Variants in COL22A1 observed in about 807,000 individuals in gnomAD.
COL22A1 encodes collagen type XXII alpha 1 chain.
Under a neutral mutation model 248.9 loss-of-function variants are expected in COL22A1, and 221 were observed. The observed-to-expected ratio is 0.89, with a 90% CI of 0.80 to 0.99. COL22A1 has a LOEUF of 0.99. COL22A1 is among the 50% of genes least tolerant of loss of function. COL22A1 has a pLI of 0.00. For synonymous variants in COL22A1, 891 were observed against 793.4 expected, an observed-to-expected ratio of 1.12 and a Z score of -2.07; for missense variants, 2,240 against 2,179.0, an observed-to-expected ratio of 1.03 and a Z score of -0.56.
chr8:138,662,474 G>A (rs370505544), intron 42 of COL22A1, among the ~76,000 whole-genome samples: 191 of 152,220 alleles, frequency 1.3e-3, no homozygotes, highest in African/African-American at 4.4e-3. Flanking sequence ...AAGTTTCCTT[G>A]TGCAAGACCC....
At chr8:138,602,805 C>G (rs1449280773) in intron 59 of COL22A1, among the ~76,000 whole-genome samples, 1 of 152,208 alleles carries the variant, frequency 6.6e-6, no homozygotes, top group Non-Finnish European at 1.5e-5. Flanking sequence ...TCTTTCTTCC[C>G]TCTCTGCCCC....
intron 60 of COL22A1, among the ~76,000 whole-genome samples, chr8:138,601,544 G>A (rs1818011514): frequency 6.6e-6 from 1 of 152,144 alleles, no homozygotes; most frequent in African/African-American, 2.4e-5. Context: ...GCCTCCAAAG[G>A]GAGCAGCAGT....
chr8:138,785,250 A>G (rs1815414347), intron 12 of COL22A1, among the ~76,000 whole-genome samples: 2 of 152,204 alleles, frequency 1.3e-5, no homozygotes, highest in African/African-American at 4.8e-5. Context: ...TGGAGCCAGG[A>G]GACGGTGGTG....
rs374022986 is a variant in COL22A1 at position 138,780,982 on chromosome 8, T to C, written c.1597-2A>G. 6.3e-7 allele frequency: 1 copy of C among 1,593,240 alleles called. No homozygotes were observed. Among genetic ancestry groups the C allele is most frequent in the African/African-American group, 1.4e-5 (1 of 73,356 alleles). On this transcript the variant is annotated splice_acceptor_variant, in intron 12 of 64. Transcript: ENST00000303045. LOFTEE classifies it high-confidence loss of function. ...GGGGCCGGGCAGGCCCAGGGAACCC[T>C]AAAGCCAAAAAAAGAGAATAGCAAT...
chr8:138,863,399 C>A (rs1360690819), intron 3 of COL22A1, among the ~76,000 whole-genome samples: 1 of 152,200 alleles, frequency 6.6e-6, no homozygotes, highest in African/African-American at 2.4e-5. Context: ...CCGCTGTCAA[C>A]TGTACATGAC....
intron 3 of COL22A1, among the ~76,000 whole-genome samples, chr8:138,846,635 G>T (rs1396733889): frequency 3.3e-5 from 5 of 151,956 alleles, no homozygotes; most frequent in Non-Finnish European, 1.5e-5. Flanking sequence ...GGGGTCCTCA[G>T]GGTCCACCTG....
intron 3 of COL22A1, among the ~76,000 whole-genome samples, chr8:138,853,732 T>A (rs1445304824): frequency 6.6e-6 from 1 of 152,200 alleles, no homozygotes; most frequent in Non-Finnish European, 1.5e-5. Flanking sequence ...ACATGTCAGT[T>A]ACCGAATCCC....
At chr8:138,601,203 T>C (rs1817978081) in intron 60 of COL22A1, among the ~76,000 whole-genome samples, 1 of 152,006 alleles carries the variant, frequency 6.6e-6, no homozygotes, top group South Asian at 2.1e-4. Context: ...CTCAGCCACA[T>C]GTCCCTCATG....
intron 1 of COL22A1, among the ~76,000 whole-genome samples, chr8:138,899,183 CTTCAT>C (rs1314637911): frequency 6.6e-6 from 1 of 152,008 alleles, no homozygotes; most frequent in East Asian, 1.9e-4. Context: ...TGTTTTTATC[CTTCAT>C]TTATTTTTGT....
At chr8:138,722,155 T>C in intron 25 of COL22A1, 66 bp from the exon 26 acceptor site, 1 of 1,404,148 alleles carries the variant, frequency 7.1e-7, no homozygotes. Flanking sequence ...TACATTAAGT[T>C]GTTTCAAACC....
chr8:138,707,150 C>T (rs199570981), intron 30 of COL22A1, among the ~76,000 whole-genome samples: 1 of 152,118 alleles, frequency 6.6e-6, no homozygotes, highest in Non-Finnish European at 1.5e-5. Flanking sequence ...AATTAATAGC[C>T]TACCAACCAA....
chr8:138,874,620 A>T (rs1286917510), intron 3 of COL22A1, among the ~76,000 whole-genome samples: 1 of 152,094 alleles, frequency 6.6e-6, no homozygotes, highest in Non-Finnish European at 1.5e-5. Flanking sequence ...TGGCTCTGAG[A>T]TCCACTGAGA....
intron 22 of COL22A1, among the ~76,000 whole-genome samples, chr8:138,751,004 T>TTA (rs1832549677): frequency 6.6e-6 from 1 of 152,002 alleles, no homozygotes; most frequent in Non-Finnish European, 1.5e-5. Flanking sequence ...AACAGGTGCT[T>TTA]AATTAATTAA....
chr8:138,662,663 C>A (rs532711335), intron 42 of COL22A1, among the ~76,000 whole-genome samples: 1 of 152,160 alleles, frequency 6.6e-6, no homozygotes, highest in Non-Finnish European at 1.5e-5. Context: ...GTTGCTGGAA[C>A]TGTGCTACCG....
chr8:138,692,712 C>T (rs1443407624), intron 35 of COL22A1, among the ~76,000 whole-genome samples: 2 of 152,028 alleles, frequency 1.3e-5, no homozygotes, highest in Non-Finnish European at 2.9e-5. Context: ...GGGTTTTGCA[C>T]ATCTCCAGGG....
intron 23 of COL22A1, among the ~76,000 whole-genome samples, chr8:138,728,627 A>G (rs986584874): frequency 2.0e-5 from 3 of 151,842 alleles, no homozygotes; most frequent in African/African-American, 7.3e-5. Flanking sequence ...TTGGAGTCTC[A>G]TAGCACGTTA....
chr8:138,815,195 G>A (rs895985166), intron 7 of COL22A1, among the ~76,000 whole-genome samples: 57 of 152,140 alleles, frequency 3.7e-4, no homozygotes, highest in Non-Finnish European at 3.5e-4. Flanking sequence ...AAATTACCCA[G>A]TCTTGGGTAT....
intron 42 of COL22A1, 99 bp from the exon 43 acceptor site, chr8:138,662,182 C>A: frequency 1.0e-6 from 1 of 961,402 alleles, no homozygotes; most frequent in South Asian, 1.5e-5. Flanking sequence ...AACACATGGT[C>A]TGTTGCTATG....
intron 23 of COL22A1, among the ~76,000 whole-genome samples, chr8:138,737,120 C>T (rs1296340711): frequency 6.6e-6 from 1 of 152,150 alleles, no homozygotes; most frequent in Non-Finnish European, 1.5e-5. Context: ...AGAGCTGTGC[C>T]CCAGGGAAGG....
Sources: gnomAD v4.1 joint callset for allele counts (sites outside exome capture counted in the v4.1 genomes callset) on GRCh38, gnomAD v4.1.1 for gene constraint, MANE v1.5 for transcripts, NCBI Gene and HGNC (gene_info 2026-07-23, HGNC 2026-07-21) for gene names.